Variants in MGAT4C observed in about 807,000 individuals in gnomAD.
MGAT4C encodes the protein alpha-1,3-mannosyl-glycoprotein 4-beta-N-acetylglucosaminyltransferase C.
In MGAT4C, 19 loss-of-function variants were observed where a neutral mutation model predicts 40.1. That is an observed-to-expected ratio of 0.47 (90% CI 0.33 to 0.70). MGAT4C has a LOEUF of 0.70. MGAT4C is among the 30% of genes least tolerant of loss of function. The pLI, the probability that MGAT4C is intolerant of heterozygous loss-of-function variation, is 0.02. For missense variants in MGAT4C, 491 were observed against 563.2 expected (o/e 0.87, Z 1.30); for synonymous variants, 181 against 187.1 (o/e 0.97, Z 0.27).
Position 86,533,658 on chromosome 12 carries a change from C to T in MGAT4C, c.-228-98393G>A, listed in dbSNP as rs1049081902. ...ATATACACACATTATTGTATATACACACATTAATTAAATTACATAATTATA... is the reference window on the plus strand; with the variant it reads ...ATATACACACATTATTGTATATACATACATTAATTAAATTACATAATTATA... On this transcript the variant is annotated intron_variant, in intron 2 of 7. Transcript: ENST00000548651. Among the ~76,000 whole-genome samples the T allele has an allele frequency of 4.6e-5, 7 of 151,334 alleles. No homozygotes were observed. The South Asian group carries it at 1.5e-3, about 32-fold the overall frequency.
chr12:86,634,816 G>T (rs1400221860), intron 2 of MGAT4C, among the ~76,000 whole-genome samples: 2 of 152,088 alleles, frequency 1.3e-5, no homozygotes, highest in African/African-American at 4.8e-5. Flanking sequence ...TCACGACAGT[G>T]ATTTCCATAT....
At chr12:86,040,866 T>C (rs962353629) in intron 2 of MGAT4C, among the ~76,000 whole-genome samples, 7 of 152,158 alleles carry the variant, frequency 4.6e-5, no homozygotes, top group Admixed American at 3.3e-4. Flanking sequence ...GCGAAAACCA[T>C]GGGAAAGCAC....
In MGAT4C at chr12:86,599,357, A is replaced by G. The variant is rs1042223677; in HGVS notation, c.-229+127852T>C. 3.9e-5 allele frequency among the ~76,000 whole-genome samples: 6 copies of G among 152,318 alleles called. No individual in the cohort carries two copies. The South Asian group carries it at 1.2e-3, about 32-fold the overall frequency. On this transcript the variant is annotated intron_variant, in intron 2 of 7. Coordinates refer to the MGAT4C transcript ENST00000548651. ...TTATCATTTTCATTACGTTATCTGT[A>G]AATATTACAATTTAACTTCTAGCTT... is the stretch of plus-strand genomic sequence containing the variant.
chr12:86,138,431 C>T (rs79244430), intron 1 of MGAT4C, among the ~76,000 whole-genome samples: 6,010 of 148,680 alleles, frequency 0.04, 423 homozygotes, highest in African/African-American at 0.14. Context: ...AATGATCTAG[C>T]TCAACAAACA....
chr12:86,284,663 G>A (rs1249429599), intron 4 of MGAT4C, among the ~76,000 whole-genome samples: 2 of 151,892 alleles, frequency 1.3e-5, no homozygotes, highest in Non-Finnish European at 2.9e-5. Flanking sequence ...AAAATCATTT[G>A]TCTGTATTAA....
At chr12:86,120,723 C>T (rs1265139703) in intron 1 of MGAT4C, among the ~76,000 whole-genome samples, 2 of 152,104 alleles carry the variant, frequency 1.3e-5, no homozygotes, top group Admixed American at 6.6e-5. Context: ...GACATCCACA[C>T]CAAAATCCCA....
chr12:86,184,211 T>C (rs755305837), intron 1 of MGAT4C, among the ~76,000 whole-genome samples: 1 of 152,080 alleles, frequency 6.6e-6, no homozygotes, highest in Non-Finnish European at 1.5e-5. Context: ...TTTTGGTCTC[T>C]ACTAAAAATA....
intron 2 of MGAT4C, among the ~76,000 whole-genome samples, chr12:86,490,891 A>T (rs1314205372): frequency 4.6e-5 from 7 of 152,208 alleles, no homozygotes; most frequent in Non-Finnish European, 1.0e-4. Flanking sequence ...CACTCAATAC[A>T]GGAGCACCCA....
intron 1 of MGAT4C, among the ~76,000 whole-genome samples, chr12:86,156,073 A>G (rs1884895134): frequency 6.6e-6 from 1 of 152,224 alleles, no homozygotes; most frequent in Non-Finnish European, 1.5e-5. Flanking sequence ...ATATTAATAC[A>G]TGCATACATG....
intron 1 of MGAT4C, among the ~76,000 whole-genome samples, chr12:86,783,411 C>G (rs12299021): frequency 0.16 from 24,144 of 150,450 alleles, 3,056 homozygotes; most frequent in African/African-American, 0.35. Flanking sequence ...AGAAGAAGAT[C>G]AGAACAGGAG....
intron 1 of MGAT4C, among the ~76,000 whole-genome samples, chr12:86,164,196 A>C (rs940159041): frequency 1.2e-4 from 19 of 152,200 alleles, no homozygotes; most frequent in Non-Finnish European, 2.5e-4. Flanking sequence ...TTTAAAAGGT[A>C]GCTGTGTTTT....
At chr12:86,044,875 A>G (rs1355096507) in intron 2 of MGAT4C, among the ~76,000 whole-genome samples, 1 of 152,022 alleles carries the variant, frequency 6.6e-6, no homozygotes, top group African/African-American at 2.4e-5. Flanking sequence ...AACTCTCTAC[A>G]CAGCTTTCCC....
intron 1 of MGAT4C, among the ~76,000 whole-genome samples, chr12:86,743,035 ATG>A (rs933674909): frequency 2.6e-4 from 38 of 147,242 alleles, no homozygotes; most frequent in African/African-American, 8.0e-4. Flanking sequence ...GTGTATGTGT[ATG>A]TGTGTTTTGC....
intron 2 of MGAT4C, among the ~76,000 whole-genome samples, chr12:86,505,586 G>A (rs1477387359): frequency 6.6e-6 from 1 of 152,142 alleles, no homozygotes; most frequent in Non-Finnish European, 1.5e-5. Context: ...TAACAGCAGA[G>A]TATAATGGAA....
At chr12:86,279,204 A>G (rs1049603471) in intron 4 of MGAT4C, among the ~76,000 whole-genome samples, 1 of 151,870 alleles carries the variant, frequency 6.6e-6, no homozygotes, top group Non-Finnish European at 1.5e-5. Context: ...CTCCTTCTCT[A>G]TTTTTTGGAA....
At chr12:86,690,254 A>C (rs894265824) in intron 2 of MGAT4C, among the ~76,000 whole-genome samples, 1 of 152,138 alleles carries the variant, frequency 6.6e-6, no homozygotes, top group South Asian at 2.1e-4. Context: ...GCTTGGTTCA[A>C]TGGAAGTGGG....
intron 3 of MGAT4C, among the ~76,000 whole-genome samples, chr12:86,336,346 C>G (rs1384199491): frequency 6.6e-6 from 1 of 152,080 alleles, no homozygotes; most frequent in Non-Finnish European, 1.5e-5. Context: ...GTAATAAATG[C>G]CAAATACACT....
intron 1 of MGAT4C, among the ~76,000 whole-genome samples, chr12:86,831,623 C>A (rs772333467): frequency 6.6e-6 from 1 of 151,602 alleles, no homozygotes; most frequent in African/African-American, 2.4e-5. Flanking sequence ...ATGTAATGTA[C>A]GTAGTTATCC....
At chr12:86,517,007 C>T (rs994227368) in intron 2 of MGAT4C, among the ~76,000 whole-genome samples, 6 of 152,118 alleles carry the variant, frequency 3.9e-5, no homozygotes, top group Admixed American at 2.6e-4. Flanking sequence ...CCATTTCACA[C>T]CTACGAGGAT....
Sources: allele counts gnomAD v4.1 joint callset (sites outside exome capture counted in the v4.1 genomes callset), GRCh38; gene constraint gnomAD v4.1.1; transcripts MANE v1.5; gene names NCBI Gene and HGNC (gene_info 2026-07-23, HGNC 2026-07-21).